MBNL2: variants seen among roughly 807,000 people sequenced by gnomAD.
The protein encoded by MBNL2 is muscleblind like splicing regulator 2, also known as muscleblind-like protein 2.
Under a neutral mutation model 41.9 loss-of-function variants are expected in MBNL2, and 17 were observed. The observed-to-expected ratio is 0.41, with a 90% confidence interval of 0.28 to 0.61. The LOEUF is 0.61. Ranked by LOEUF, MBNL2 falls within the 20% of genes least tolerant of loss-of-function variation. The pLI is 0.35. For missense variants in MBNL2, 336 were observed against 505.6 expected, an observed-to-expected ratio of 0.66 and a Z score of 3.22; for synonymous variants, 195 against 182.9, an observed-to-expected ratio of 1.07 and a Z score of -0.53.
intron 1 of MBNL2, among the ~76,000 whole-genome samples, chr13:97,225,983 C>T (rs1349101280): frequency 2.0e-5 from 3 of 152,078 alleles, no homozygotes; most frequent in Non-Finnish European, 4.4e-5. Flanking sequence ...AATTAGTTAA[C>T]ATACTATTTT....
chr13:97,368,287 A>G (rs1445813160), intron 8 of MBNL2, among the ~76,000 whole-genome samples: 2 of 151,816 alleles, frequency 1.3e-5, no homozygotes, highest in East Asian at 3.9e-4. Context: ...GGTGCCATAC[A>G]CTGTAGTCCC....
intron 1 of MBNL2, among the ~76,000 whole-genome samples, chr13:97,262,093 A>T (rs2048746679): frequency 6.6e-6 from 1 of 152,216 alleles, no homozygotes; most frequent in African/African-American, 2.4e-5. Context: ...AACTCTCTTT[A>T]CAAACCTGAG....
chr13:97,309,833 A>G (rs2058429300), intron 2 of MBNL2, among the ~76,000 whole-genome samples: 1 of 152,238 alleles, frequency 6.6e-6, no homozygotes, highest in African/African-American at 2.4e-5. Context: ...CAACCCAACA[A>G]TAAGAGCTAG....
At chr13:97,283,246 A>AG (rs2053788635) in intron 2 of MBNL2, among the ~76,000 whole-genome samples, 1 of 29,112 alleles carries the variant, frequency 3.4e-5, no homozygotes, top group Non-Finnish European at 1.1e-4. Context: ...ATCAGCTCTG[A>AG]AAGCTTATCT....
chr13:97,292,073 C>T (rs1277727288), intron 2 of MBNL2, among the ~76,000 whole-genome samples: 2 of 150,862 alleles, frequency 1.3e-5, no homozygotes, highest in African/African-American at 4.9e-5. Context: ...TGATGGCGGG[C>T]GCCTGTAGTC....
At chr13:97,357,658 G>A (rs201007433) in intron 7 of MBNL2, 23 bp downstream of exon 7, 219 of 1,610,992 alleles carry the variant, frequency 1.4e-4, no homozygotes, top group African/African-American at 4.0e-4. Context: ...ACTGCCCTAC[G>A]TCCTGTGCCC....
the MBNL2 span, among the ~76,000 whole-genome samples, chr13:97,187,350 T>C: frequency 6.6e-6 from 1 of 152,082 alleles, no homozygotes; most frequent in South Asian, 2.1e-4. Context: ...ACATTTCCTT[T>C]ATATTCTTCC....
At chr13:97,348,084 T>A (rs991398000) in intron 5 of MBNL2, among the ~76,000 whole-genome samples, 1 of 150,292 alleles carries the variant, frequency 6.7e-6, no homozygotes, top group South Asian at 2.1e-4. Flanking sequence ...ATTTTTTTTT[T>A]TTTTTTTTTT....
At chr13:97,367,080 C>T (rs1000081969) in intron 8 of MBNL2, among the ~76,000 whole-genome samples, 1 of 152,224 alleles carries the variant, frequency 6.6e-6, no homozygotes, top group African/African-American at 2.4e-5. Context: ...ACCTTACAAT[C>T]TGCTCCAATA....
At chr13:97,243,293 T>TA (rs1319509684) in intron 1 of MBNL2, among the ~76,000 whole-genome samples, 48 of 152,358 alleles carry the variant, frequency 3.2e-4, no homozygotes, top group Admixed American at 1.5e-3. Flanking sequence ...CTTATTTATT[T>TA]AGTCAGTCAA....
At chr13:97,177,274 G>A in the MBNL2 span, among the ~76,000 whole-genome samples, 3 of 152,174 alleles carry the variant, frequency 2.0e-5, no homozygotes, top group Non-Finnish European at 4.4e-5. Flanking sequence ...GGGAGGCAGA[G>A]GTTTCAATGA....
At chr13:97,206,243 AT>A in the MBNL2 span, among the ~76,000 whole-genome samples, 1 of 151,756 alleles carries the variant, frequency 6.6e-6, no homozygotes, top group Non-Finnish European at 1.5e-5. Context: ...AGCCACGTAG[AT>A]TTTTTTTCTT....
chr13:97,269,882 A>G (rs1463334858), intron 1 of MBNL2, among the ~76,000 whole-genome samples: 1 of 152,202 alleles, frequency 6.6e-6, no homozygotes, highest in East Asian at 1.9e-4. Flanking sequence ...ATATGGAACT[A>G]TCGTAGAGAG....
intron 3 of MBNL2, among the ~76,000 whole-genome samples, chr13:97,342,154 A>C (rs59788734): frequency 0.3 from 45,526 of 152,132 alleles, 7,049 homozygotes; most frequent in African/African-American, 0.36. Context: ...TACATTATTT[A>C]CTTTCTAAAA....
intron 8 of MBNL2, among the ~76,000 whole-genome samples, chr13:97,371,060 C>G (rs1324479772): frequency 6.6e-6 from 1 of 152,090 alleles, no homozygotes; most frequent in African/African-American, 2.4e-5. Flanking sequence ...CCTGCTTTTT[C>G]ATATGAAAAT....
At chr13:97,150,170 T>C in the MBNL2 span, among the ~76,000 whole-genome samples, 1 of 152,208 alleles carries the variant, frequency 6.6e-6, no homozygotes, top group Non-Finnish European at 1.5e-5. Flanking sequence ...ATAAAAGGAA[T>C]CAGCAAGGCT....
chr13:97,231,906 T>C (rs1156501723), intron 1 of MBNL2, among the ~76,000 whole-genome samples: 1 of 151,904 alleles, frequency 6.6e-6, no homozygotes, highest in African/African-American at 2.4e-5. Flanking sequence ...CTGATGTGCC[T>C]ACTTGCATCC....
At chr13:97,293,193 A>C (rs1198079334) in intron 2 of MBNL2, among the ~76,000 whole-genome samples, 1 of 152,114 alleles carries the variant, frequency 6.6e-6, no homozygotes, top group Non-Finnish European at 1.5e-5. Context: ...TAGGACTGTA[A>C]ATCTGCTACA....
rs1431004063 is a variant in MBNL2, at chr13:97,393,936, T to G, written c.*2487T>G. 6.6e-6 allele frequency: 1 copy of G among 152,598 alleles called. No homozygotes were observed. The highest frequency in any genetic ancestry group is 3.2e-3 in the Middle Eastern group (1 of 316). 9.5% of individuals were successfully genotyped at this position (152,598 alleles called of 1,614,324 possible). On this transcript the variant is annotated 3_prime_UTR_variant, in exon 9 of 9. Coordinates refer to ENST00000679496, the MANE Select transcript of MBNL2 (RefSeq NM_001382683.1). ...GATATAACAGCACTTCACCGAAATATTCTTTCAGCCATACCACTGGTAACA... is the reference window on the plus strand; with the variant it reads ...GATATAACAGCACTTCACCGAAATAGTCTTTCAGCCATACCACTGGTAACA...
Sources: allele counts gnomAD v4.1 joint callset (sites outside exome capture counted in the v4.1 genomes callset), GRCh38; gene constraint gnomAD v4.1.1; transcripts MANE v1.5; gene names NCBI Gene and HGNC (gene_info 2026-07-23, HGNC 2026-07-21).